Variants in CAMK1D observed in about 807,000 individuals in gnomAD.
CAMK1D encodes the protein calcium/calmodulin-dependent protein kinase type 1D.
In CAMK1D, 9 loss-of-function variants were observed where a neutral mutation model predicts 47.7. The ratio of observed to expected loss-of-function variants is 0.19; its 90% confidence interval spans 0.11 to 0.33. The LOEUF (loss-of-function observed/expected upper bound fraction) is 0.33, where lower values mean the gene tolerates loss of function less well. Among genes scored for constraint, CAMK1D ranks in the 10% least tolerant of loss-of-function variants. The pLI is 1.00. For synonymous variants in CAMK1D, 184 were observed against 184.9 expected (o/e 0.99, Z 0.04); for missense variants, 291 against 488.7 (o/e 0.60, Z 3.81).
intron 5 of CAMK1D, among the ~76,000 whole-genome samples, chr10:12,785,902 C>G (rs1171155679): frequency 6.6e-6 from 1 of 152,228 alleles, no homozygotes; most frequent in Non-Finnish European, 1.5e-5. Flanking sequence ...GTGCAGCTGA[C>G]TCCCGATCAC....
intron 3 of CAMK1D, among the ~76,000 whole-genome samples, chr10:12,708,620 A>G (rs1017890645): frequency 6.6e-6 from 1 of 152,218 alleles, no homozygotes; most frequent in Non-Finnish European, 1.5e-5. Flanking sequence ...TATAATTTGC[A>G]TGTCCCTATC....
chr10:12,371,187 C>CCACTCACTCACTCACTCACT (rs370568920), intron 1 of CAMK1D, among the ~76,000 whole-genome samples: 1 of 151,876 alleles, frequency 6.6e-6, no homozygotes, highest in African/African-American at 2.4e-5. Context: ...CATTCACTCA[C>CCACTCACTCACTCACTCACT]CACTCACTCA....
At chr10:12,574,340 C>A (rs892130788) in intron 2 of CAMK1D, among the ~76,000 whole-genome samples, 1 of 151,346 alleles carries the variant, frequency 6.6e-6, no homozygotes, top group South Asian at 2.1e-4. Context: ...CTTGTTCTGT[C>A]GCCTGGGCTG....
At chr10:12,502,334 C>T (rs190726047) in intron 1 of CAMK1D, among the ~76,000 whole-genome samples, 2 of 152,160 alleles carry the variant, frequency 1.3e-5, no homozygotes, top group Non-Finnish European at 2.9e-5. Context: ...CGGTGATGTA[C>T]CGTGCAAGCT....
intron 1 of CAMK1D, among the ~76,000 whole-genome samples, chr10:12,416,727 A>G (rs1437155320): frequency 6.6e-6 from 1 of 152,020 alleles, no homozygotes; most frequent in Non-Finnish European, 1.5e-5. Flanking sequence ...CACTTGCCAT[A>G]CTCTGTGTCA....
At chr10:12,365,583 C>T (rs964007620) in intron 1 of CAMK1D, among the ~76,000 whole-genome samples, 47 of 152,148 alleles carry the variant, frequency 3.1e-4, no homozygotes, top group African/African-American at 1.1e-3. Flanking sequence ...GGACTACAGG[C>T]GCTTGCCACC....
At chr10:12,623,426 TCCCTCCCTCCCTTCTTTC>T (rs1198322772) in intron 2 of CAMK1D, among the ~76,000 whole-genome samples, 1 of 6,260 alleles carries the variant, frequency 1.6e-4, no homozygotes, top group Admixed American at 1.9e-3. Flanking sequence ...CTTTCCTTCC[TCCCTCCCTCCCTTCTTTC>T]CTTCCTTCCT....
intron 1 of CAMK1D, among the ~76,000 whole-genome samples, chr10:12,464,656 A>C (rs1246985221): frequency 6.6e-6 from 1 of 152,144 alleles, no homozygotes; most frequent in Non-Finnish European, 1.5e-5. Flanking sequence ...TGTACTAAAA[A>C]TACAAAAAAT....
intron 2 of CAMK1D, among the ~76,000 whole-genome samples, chr10:12,624,466 C>T (rs1389987581): frequency 6.6e-6 from 1 of 152,176 alleles, no homozygotes; most frequent in African/African-American, 2.4e-5. Context: ...ACTGGATTAT[C>T]TTAGATACCC....
chr10:12,641,575 C>T (rs1386918449), intron 2 of CAMK1D, among the ~76,000 whole-genome samples: 1 of 151,330 alleles, frequency 6.6e-6, no homozygotes, highest in Non-Finnish European at 1.5e-5. Context: ...GCCATGGTCT[C>T]ACCACTGCAT....
chr10:12,773,582 A>C (rs1052460822), intron 5 of CAMK1D, among the ~76,000 whole-genome samples: 1 of 152,200 alleles, frequency 6.6e-6, no homozygotes, highest in Non-Finnish European at 1.5e-5. Context: ...GGCCAAGTGT[A>C]CAATGTTTGG....
At chr10:12,458,840 A>G (rs1272112298) in intron 1 of CAMK1D, among the ~76,000 whole-genome samples, 2 of 151,376 alleles carry the variant, frequency 1.3e-5, no homozygotes, top group Non-Finnish European at 2.9e-5. Context: ...ATCACTTCAG[A>G]TAAGTTTCTT....
At chr10:12,735,649 C>CT (rs1564525586) in intron 3 of CAMK1D, among the ~76,000 whole-genome samples, 1 of 152,150 alleles carries the variant, frequency 6.6e-6, no homozygotes, top group African/African-American at 2.4e-5. Context: ...AGGTACCAAC[C>CT]GTCTCTCTGT....
intron 1 of CAMK1D, among the ~76,000 whole-genome samples, chr10:12,542,009 G>A (rs1353453188): frequency 6.6e-6 from 1 of 151,844 alleles, no homozygotes; most frequent in Non-Finnish European, 1.5e-5. Flanking sequence ...TGAGTAGCTG[G>A]GACAATAGGC....
intron 2 of CAMK1D, among the ~76,000 whole-genome samples, chr10:12,569,473 G>T (rs577356239): frequency 6.6e-6 from 1 of 151,796 alleles, no homozygotes; most frequent in Admixed American, 6.6e-5. Context: ...CACTTCGGGA[G>T]GCCGAGGCAG....
intron 1 of CAMK1D, among the ~76,000 whole-genome samples, chr10:12,550,549 C>T (rs1836544301): frequency 6.6e-6 from 1 of 152,220 alleles, no homozygotes; most frequent in Non-Finnish European, 1.5e-5. Flanking sequence ...GGACAAAAGC[C>T]GTTGGCCATG....
At chr10:12,606,071 C>A (rs982253519) in intron 2 of CAMK1D, among the ~76,000 whole-genome samples, 1 of 152,216 alleles carries the variant, frequency 6.6e-6, no homozygotes, top group Non-Finnish European at 1.5e-5. Flanking sequence ...AACTGCAAGC[C>A]CCTTCCTCAT....
intron 3 of CAMK1D, among the ~76,000 whole-genome samples, chr10:12,753,227 C>T (rs1836070318): frequency 1.3e-5 from 2 of 152,316 alleles, no homozygotes; most frequent in Non-Finnish European, 2.9e-5. Context: ...ATACCAAGTA[C>T]AATCTTCCTA....
intron 1 of CAMK1D, among the ~76,000 whole-genome samples, chr10:12,511,987 G>A (rs916953151): frequency 6.6e-6 from 1 of 152,220 alleles, no homozygotes; most frequent in East Asian, 1.9e-4. Context: ...CTTCATCTGT[G>A]CAATGGGTGT....
Sources: allele counts gnomAD v4.1 joint callset (sites outside exome capture counted in the v4.1 genomes callset), GRCh38; gene constraint gnomAD v4.1.1; transcripts MANE v1.5; gene names NCBI Gene and HGNC (gene_info 2026-07-23, HGNC 2026-07-21).